GJC2: variants seen among roughly 807,000 people sequenced by gnomAD.
GJC2 encodes the protein gap junction gamma-2 protein.
For missense variants in GJC2, 647 were observed against 648.9 expected, an observed-to-expected ratio of 1.00 and a Z score of 0.03; for synonymous variants, 336 against 307.5, an observed-to-expected ratio of 1.09 and a Z score of -0.97.
In GJC2 at chr1:228,151,270, C is replaced by G; in HGVS notation, c.-20+1263C>G. 6.6e-6 allele frequency among the ~76,000 whole-genome samples: 1 copy of G among 152,146 alleles called. No individual in the cohort carries two copies. ...GCAAGGCCTGGGGATCCCACAGACT[C>G]ATACCTCCACACCACGCTCCTCAGT... On this transcript the variant is annotated intron_variant, in intron 1 of 1. Coordinates refer to ENST00000366714, the MANE Select transcript of GJC2 (RefSeq NM_020435.4). The surrounding 1 kb of genome is among the most constrained non-coding windows in gnomAD (Gnocchi z 5.4).
Position 228,159,787 on chromosome 1 carries a change from C to T in GJC2, c.*709C>T, listed in dbSNP as rs1208469865. ...CTCCTCCCTAATTCAGACCCAGCCT[C>T]AAGAGGAAAGGGAGTAAAATAAAAC... On this transcript the variant is annotated 3_prime_UTR_variant, in exon 2 of 2. Coordinates refer to ENST00000366714, the MANE Select transcript of GJC2 (RefSeq NM_020435.4). This position sits in a 1 kb window ranked among gnomAD's most constrained non-coding sequence, Gnocchi z 4.0. 1 of 167,104 alleles carries T rather than the reference C, an allele frequency of 6.0e-6. No individual in the cohort carries two copies. The highest frequency in any genetic ancestry group is 1.9e-4 in the East Asian group (1 of 5,198). The allele number at this position is 167,104 out of a possible 1,614,324, so 10.4% of individuals were successfully genotyped here.
At chr1:228,155,416 G>A (rs1408017928) in intron 1 of GJC2, among the ~76,000 whole-genome samples, 1 of 152,222 alleles carries the variant, frequency 6.6e-6, no homozygotes, top group Non-Finnish European at 1.5e-5. Context: ...CCCCAGGCTT[G>A]CAGGCAAGGA....
chr1:228,158,230 G>A lies in GJC2; in HGVS notation c.472G>A (p.Glu158Lys). ...CCTGGGCGAGGAGGAGGAGGAGGAG[G>A]AGACGGGGGCAGCCGAGGGCGCCGG... ...LGLGEEEEEE[E>K]TGAAEGAGEE... is the part of the protein sequence containing the mutation. Residue 158 changes from glutamate to lysine, a missense_variant, in exon 2 of 2, where the codon GAG becomes AAG. Physicochemically the swap from Glu to Lys is moderately conservative, Grantham distance 56. Coordinates refer to ENST00000366714, the MANE Select transcript of GJC2 (RefSeq NM_020435.4). This position sits in a 1 kb window ranked among gnomAD's most constrained non-coding sequence, Gnocchi z 8.3. The A allele has an allele frequency of 1.3e-6, 2 of 1,503,392 alleles. No individual in the cohort carries two copies. Among genetic ancestry groups the A allele is most frequent in the Non-Finnish European group, 8.8e-7 (1 of 1,129,948 alleles). 93.1% of individuals were successfully genotyped at this position (1,503,392 alleles called of 1,614,324 possible). A position where few individuals can be genotyped will look rare whatever the true frequency, so the allele number is the denominator to read the frequency against.
In GJC2 at chr1:228,159,206, CCAGGCTGCTCAGG is replaced by C; in HGVS notation, c.*129_*141del. The C allele has an allele frequency of 2.7e-6, 3 of 1,116,452 alleles. No individual in the cohort carries two copies. Among genetic ancestry groups the C allele is most frequent in the Non-Finnish European group, 3.9e-6 (3 of 775,922 alleles). 69.2% of individuals were successfully genotyped at this position (1,116,452 alleles called of 1,614,324 possible). A position where few individuals can be genotyped will look rare whatever the true frequency, so the allele number is the denominator to read the frequency against. ...AGGCAGACTCTGCCCAGAGGGGCAGCCAGGCTGCTCAGGGAAGGGGCTGAAAGCGGCAGAGGAG... is the reference window on the plus strand; with the variant it reads ...AGGCAGACTCTGCCCAGAGGGGCAGCGAAGGGGCTGAAAGCGGCAGAGGAG... On this transcript the variant is annotated 3_prime_UTR_variant, in exon 2 of 2. Transcript: ENST00000366714. The surrounding 1 kb of genome is among the most constrained non-coding windows in gnomAD (Gnocchi z 4.0).
chr1:228,157,670 G>A, intron 1 of GJC2, 70 bp from the exon 2 acceptor site: 2 of 855,344 alleles, frequency 2.3e-6, no homozygotes, highest in Non-Finnish European at 3.6e-6. Context: ...AGGCAAGCCT[G>A]GAGCCCCGGC....
In GJC2 at chr1:228,157,741, A is replaced by AGACCCCCC; in HGVS notation, c.-18_-17insGACCCCCC. The AGACCCCCC allele has an allele frequency of 1.1e-5, 4 of 354,470 alleles. No individual in the cohort carries two copies. The highest frequency in any genetic ancestry group is 1.7e-5 in the Non-Finnish European group (3 of 177,092). 22.0% of individuals were successfully genotyped at this position (354,470 alleles called of 1,614,324 possible). A position where few individuals can be genotyped will look rare whatever the true frequency, so the allele number is the denominator to read the frequency against. ...GCTGACCCCTACCCCGCCCCACAGGACCCGCCCGCCCGCCCCTATGACCAA... is the reference window on the plus strand; with the variant it reads ...GCTGACCCCTACCCCGCCCCACAGGAGACCCCCCCCCGCCCGCCCGCCCCTATGACCAA... On this transcript the variant is annotated splice_region_variant and 5_prime_UTR_variant, in exon 2 of 2. Coordinates refer to ENST00000366714, the MANE Select transcript of GJC2 (RefSeq NM_020435.4).
At position 228,159,061 on chromosome 1, in the gene GJC2, A is replaced by G; in HGVS notation, c.1303A>G (p.Thr435Ala). Residue 435 changes from threonine to alanine, a missense_variant, in exon 2 of 2, where the codon ACC becomes GCC. By Grantham distance (58) the Thr-to-Ala change is moderately conservative. Transcript: ENST00000366714. The surrounding 1 kb of genome is among the most constrained non-coding windows in gnomAD (Gnocchi z 4.0). The stretch of plus-strand genomic sequence containing the variant: ...CAGTGCCAGCAGCAGGGACGGGAAG[A>G]CCACCGTGTGGATCTGAGGGCGCTG... ...KGSASSRDGK[T>A]TVWI 3 of 1,610,382 alleles carry G rather than the reference A, an allele frequency of 1.9e-6. No individual in the cohort carries two copies. The highest frequency in any genetic ancestry group is 1.7e-5 in the Admixed American group (1 of 59,994).
At position 228,150,633 on chromosome 1, in the gene GJC2, C is replaced by T. The variant is rs563446887; in HGVS notation, c.-20+626C>T. 6.6e-6 allele frequency among the ~76,000 whole-genome samples: 1 copy of T among 152,164 alleles called. No individual in the cohort carries two copies. Among genetic ancestry groups the T allele is most frequent in the Admixed American group, 6.5e-5 (1 of 15,296 alleles). On this transcript the variant is annotated intron_variant, in intron 1 of 1. Transcript: ENST00000366714. The surrounding 1 kb of genome is among the most constrained non-coding windows in gnomAD (Gnocchi z 4.6). Reference sequence around the variant, plus strand: ...GCCCCCCCGGGGTGCTGGGGCAGGCCCTCAGTGCAAGGAAGGGGCGGCGTG... The same window carrying T: ...GCCCCCCCGGGGTGCTGGGGCAGGCTCTCAGTGCAAGGAAGGGGCGGCGTG...
At chr1:228,155,489 C>G (rs1473936288) in intron 1 of GJC2, among the ~76,000 whole-genome samples, 1 of 152,190 alleles carries the variant, frequency 6.6e-6, no homozygotes, top group African/African-American at 2.4e-5. Context: ...AGGGAAGCTG[C>G]TCTGCAGAGC....
chr1:228,153,610 G>A (rs1190629971), intron 1 of GJC2, among the ~76,000 whole-genome samples: 6 of 128,780 alleles, frequency 4.7e-5, no homozygotes, highest in South Asian at 2.4e-4. Flanking sequence ...TTGAGACAGC[G>A]TCTCACTCTG....
intron 1 of GJC2, among the ~76,000 whole-genome samples, chr1:228,155,632 G>A (rs1315506545): frequency 1.4e-5 from 2 of 143,736 alleles, no homozygotes; most frequent in Admixed American, 6.8e-5. Flanking sequence ...CCCCATAGGC[G>A]TGGCCCTGAG....
rs1260532478 is a variant in GJC2 at position 228,158,244 on chromosome 1, C to T, written c.486C>T (p.Ala162=). 19 of 1,510,620 alleles carry T rather than the reference C, an allele frequency of 1.3e-5. 1 individual carries two copies. In the Admixed American group the frequency reaches 1.6e-4, roughly 13 times the overall value. The allele number at this position is 1,510,620 out of a possible 1,614,324, so 93.6% of individuals were successfully genotyped here. ...EEEEEEETGA[A]EGAGEEAEEA... is the part of the protein sequence containing the mutation. The stretch of plus-strand genomic sequence containing the variant: ...AGGAGGAGGAGGAGACGGGGGCAGC[C>T]GAGGGCGCCGGCGAGGAAGCGGAGG... Residue 162 remains alanine, a synonymous_variant, in exon 2 of 2, where the codon GCC becomes GCT. Transcript: ENST00000366714. This position sits in a 1 kb window ranked among gnomAD's most constrained non-coding sequence, Gnocchi z 8.3.
chr1:228,159,249 C>T lies in GJC2; in HGVS notation c.*171C>T. 2.6e-6 allele frequency: 2 copies of T among 767,896 alleles called. No individual in the cohort carries two copies. Among genetic ancestry groups the T allele is most frequent in the Non-Finnish European group, 4.2e-6 (2 of 476,996 alleles). 47.6% of individuals were successfully genotyped at this position (767,896 alleles called of 1,614,324 possible). A position where few individuals can be genotyped will look rare whatever the true frequency, so the allele number is the denominator to read the frequency against. On this transcript the variant is annotated 3_prime_UTR_variant, in exon 2 of 2. Coordinates refer to ENST00000366714, the MANE Select transcript of GJC2 (RefSeq NM_020435.4). This position sits in a 1 kb window ranked among gnomAD's most constrained non-coding sequence, Gnocchi z 4.0. Reference sequence around the variant, plus strand: ...GGGCTGAAAGCGGCAGAGGAGTGCCCTGGCTTGGTCACCACTGGGGCCAAG... The same window carrying T: ...GGGCTGAAAGCGGCAGAGGAGTGCCTTGGCTTGGTCACCACTGGGGCCAAG...
intron 1 of GJC2, among the ~76,000 whole-genome samples, chr1:228,153,550 A>G (rs910723297): frequency 2.0e-5 from 3 of 150,608 alleles, no homozygotes; most frequent in Admixed American, 2.0e-4. Flanking sequence ...ATGCCTGGCA[A>G]ATTTTTGTAT....
chr1:228,152,368 G>A lies in GJC2; in HGVS notation c.-20+2361G>A, dbSNP rs773447232. Among the ~76,000 whole-genome samples, 9 of 152,124 alleles carry A rather than the reference G, an allele frequency of 5.9e-5. No individual in the cohort carries two copies. Among genetic ancestry groups the A allele is most frequent in the Admixed American group, 5.2e-4 (8 of 15,288 alleles). On this transcript the variant is annotated intron_variant, in intron 1 of 1. Coordinates refer to ENST00000366714, the MANE Select transcript of GJC2 (RefSeq NM_020435.4). The surrounding 1 kb of genome is among the most constrained non-coding windows in gnomAD (Gnocchi z 7.3). ...GACCCTGTGCTACACCCAGCAGGGC[G>A]GGGCTCGTTCTGCAGTGCCTCAGGA...
In GJC2 at chr1:228,150,248, C is replaced by T. The variant is rs1489790116; in HGVS notation, c.-20+241C>T. Among the ~76,000 whole-genome samples the T allele has an allele frequency of 6.6e-6, 1 of 152,154 alleles. No homozygotes were observed. The highest frequency in any genetic ancestry group is 1.5e-5 in the Non-Finnish European group (1 of 68,010). On this transcript the variant is annotated intron_variant, in intron 1 of 1. Coordinates refer to ENST00000366714, the MANE Select transcript of GJC2 (RefSeq NM_020435.4). This position sits in a 1 kb window ranked among gnomAD's most constrained non-coding sequence, Gnocchi z 4.6. ...GTCCTTCAGGCCCAGCTGCCTTCAC[C>T]GCAGGGTGGGCACCAACCGGTGGGG...
rs1328789822 is a variant in GJC2, at chr1:228,153,532, G to A, written c.-20+3525G>A. ...TTCCCGAGTAGCTAGAAGTACAAGC[G>A]CACCACCATGCCTGGCAAATTTTTG... is the stretch of plus-strand genomic sequence containing the variant. On this transcript the variant is annotated intron_variant, in intron 1 of 1. Transcript: ENST00000366714. Among the ~76,000 whole-genome samples, 5 of 149,954 alleles carry A rather than the reference G, an allele frequency of 3.3e-5. 1 individual carries two copies. In the East Asian group the frequency reaches 7.9e-4, roughly 24 times the overall value.
intron 1 of GJC2, among the ~76,000 whole-genome samples, chr1:228,156,429 A>G (rs765080462): frequency 1.3e-4 from 20 of 152,208 alleles, no homozygotes; most frequent in Non-Finnish European, 2.6e-4. Flanking sequence ...ATGCATGTGC[A>G]CGTGTGTGCA....
chr1:228,158,185 G>C lies in GJC2; in HGVS notation c.427G>C (p.Glu143Gln). Residue 143 changes from glutamate (E) to glutamine (Q), a missense_variant, in exon 2 of 2, where the codon GAG (glutamate) becomes CAG (glutamine). Coordinates refer to ENST00000366714, the MANE Select transcript of GJC2 (RefSeq NM_020435.4). The surrounding 1 kb of genome is among the most constrained non-coding windows in gnomAD (Gnocchi z 8.3). Reference sequence around the variant, plus strand: ...CTGGCCTGAGCCCGCCGACCTGGGCGAGGAGGAGCCCATGCTGGGCCTGGG... The same window carrying C: ...CTGGCCTGAGCCCGCCGACCTGGGCCAGGAGGAGCCCATGCTGGGCCTGGG... ...AGWPEPADLG[E>Q]EEPMLGLGEE... is the part of the protein sequence containing the mutation. The C allele has an allele frequency of 6.9e-7, 1 of 1,449,560 alleles. No homozygotes were observed. Among genetic ancestry groups the C allele is most frequent in the Non-Finnish European group, 9.1e-7 (1 of 1,104,394 alleles). 89.8% of individuals were successfully genotyped at this position (1,449,560 alleles called of 1,614,324 possible). A position where few individuals can be genotyped will look rare whatever the true frequency, so the allele number is the denominator to read the frequency against.
Sources: allele counts gnomAD v4.1 joint callset (sites outside exome capture counted in the v4.1 genomes callset), GRCh38; gene constraint gnomAD v4.1.1; non-coding constraint Gnocchi (gnomAD v3.1); transcripts MANE v1.5; gene names NCBI Gene and HGNC (gene_info 2026-07-23, HGNC 2026-07-21).